CLVS1: variants seen among roughly 807,000 people sequenced by gnomAD.
CLVS1 encodes clavesin-1.
A neutral mutation model predicts 33.1 loss-of-function variants in CLVS1; 10 were observed. The ratio of observed to expected loss-of-function variants is 0.30; its 90% confidence interval spans 0.19 to 0.51. The LOEUF (loss-of-function observed/expected upper bound fraction) is 0.51. CLVS1 is among the 20% of genes least tolerant of loss of function. The pLI is 0.97. For missense variants in CLVS1, 343 were observed against 433.4 expected (o/e 0.79, Z 1.85); for synonymous variants, 163 against 166.1 (o/e 0.98, Z 0.14).
chr8:61,219,863 TC>T (rs1327560804), intron 2 of CLVS1, among the ~76,000 whole-genome samples: 2 of 152,214 alleles, frequency 1.3e-5, no homozygotes, highest in Non-Finnish European at 2.9e-5. Context: ...AGATGGTATC[TC>T]ATTGTGGTTT....
chr8:61,387,424 T>C (rs1329294250), intron 3 of CLVS1, among the ~76,000 whole-genome samples: 1 of 149,958 alleles, frequency 6.7e-6, no homozygotes, highest in Middle Eastern at 3.2e-3. Flanking sequence ...CAAGAATTGT[T>C]AGCCCTTTAT....
chr8:61,117,953 G>C (rs1393874863), intron 1 of CLVS1, among the ~76,000 whole-genome samples: 1 of 152,204 alleles, frequency 6.6e-6, no homozygotes, highest in Non-Finnish European at 1.5e-5. Context: ...AATGGTACCA[G>C]TTCCTCCTTG....
chr8:61,061,868 C>T (rs995117481), intron 1 of CLVS1, among the ~76,000 whole-genome samples: 15 of 151,962 alleles, frequency 9.9e-5, no homozygotes, highest in African/African-American at 3.4e-4. Context: ...TAGCTCCATT[C>T]AGGGCTCCAG....
At chr8:61,156,752 T>C (rs1425418155) in intron 2 of CLVS1, among the ~76,000 whole-genome samples, 1 of 152,212 alleles carries the variant, frequency 6.6e-6, no homozygotes, top group Non-Finnish European at 1.5e-5. Context: ...AACTTACCTG[T>C]GATAAAAATC....
At chr8:61,479,482 G>C (rs139209673) in intron 5 of CLVS1, among the ~76,000 whole-genome samples, 155 of 152,124 alleles carry the variant, frequency 1.0e-3, no homozygotes, top group African/African-American at 3.6e-3. Context: ...TTAGCCATTC[G>C]TCTAATTTTT....
intron 4 of CLVS1, among the ~76,000 whole-genome samples, chr8:61,455,166 T>TTA (rs2129607055): frequency 7.3e-6 from 1 of 136,912 alleles, no homozygotes; most frequent in East Asian, 2.1e-4. Flanking sequence ...TATCACCTCC[T>TTA]ATAATTATGA....
At chr8:61,139,804 C>A (rs1333436842) in intron 2 of CLVS1, among the ~76,000 whole-genome samples, 4 of 152,028 alleles carry the variant, frequency 2.6e-5, no homozygotes, top group Non-Finnish European at 5.9e-5. Flanking sequence ...CTCAGTTGAC[C>A]CTCTGCGGCC....
intron 5 of CLVS1, among the ~76,000 whole-genome samples, chr8:61,489,360 G>T (rs1419037609): frequency 6.6e-6 from 1 of 152,168 alleles, no homozygotes; most frequent in Non-Finnish European, 1.5e-5. Flanking sequence ...TAGTGCTTAA[G>T]AATGTGGACT....
chr8:61,052,457 G>A (rs1477159384), upstream of CLVS1, among the ~76,000 whole-genome samples: 1 of 152,050 alleles, frequency 6.6e-6, no homozygotes. Context: ...GGGCCTCACT[G>A]AAAGGGAAAT....
chr8:61,311,524 G>A (rs1175537968), intron 2 of CLVS1, among the ~76,000 whole-genome samples: 3 of 152,198 alleles, frequency 2.0e-5, no homozygotes, highest in Non-Finnish European at 4.4e-5. Context: ...TAACACAACA[G>A]TGTACATCCC....
chr8:60,971,033 T>C, the CLVS1 span, among the ~76,000 whole-genome samples: 1 of 131,614 alleles, frequency 7.6e-6, no homozygotes, highest in East Asian at 2.2e-4. Flanking sequence ...TGTCTAACAA[T>C]CTAGCAACTT....
chr8:61,021,399 G>C, the CLVS1 span, among the ~76,000 whole-genome samples: 1 of 152,200 alleles, frequency 6.6e-6, no homozygotes, highest in Non-Finnish European at 1.5e-5. Context: ...CGCCCAGGCT[G>C]GAGTGCAATG....
At chr8:61,495,783 A>AAAATCAAG (rs1475657410) in intron 5 of CLVS1, among the ~76,000 whole-genome samples, 2 of 152,220 alleles carry the variant, frequency 1.3e-5, no homozygotes, top group African/African-American at 2.4e-5. Flanking sequence ...AAACAAACCA[A>AAAATCAAG]AAATCAAGAA....
At chr8:61,034,970 C>G in the CLVS1 span, among the ~76,000 whole-genome samples, 1 of 152,096 alleles carries the variant, frequency 6.6e-6, no homozygotes, top group Non-Finnish European at 1.5e-5. Flanking sequence ...TAAGTTTAAT[C>G]AATACTTCAT....
chr8:61,437,414 T>C (rs1306648124), intron 3 of CLVS1, among the ~76,000 whole-genome samples: 1 of 152,212 alleles, frequency 6.6e-6, no homozygotes, highest in Non-Finnish European at 1.5e-5. Context: ...CTTAAAAGAA[T>C]CCTCCGTACT....
chr8:61,378,165 C>T (rs1237762728), intron 3 of CLVS1: 2 of 152,184 alleles, frequency 1.3e-5, no homozygotes, highest in Non-Finnish European at 2.9e-5. Context: ...AATTTCTGTA[C>T]AAGCTGCATG....
chr8:61,486,832 A>T (rs980969755), intron 5 of CLVS1, among the ~76,000 whole-genome samples: 4 of 152,086 alleles, frequency 2.6e-5, no homozygotes, highest in African/African-American at 9.7e-5. Flanking sequence ...CTATGTGTTC[A>T]TTGTCTCTAT....
chr8:60,990,057 G>A, the CLVS1 span, among the ~76,000 whole-genome samples: 84 of 149,882 alleles, frequency 5.6e-4, no homozygotes, highest in Non-Finnish European at 1.1e-3. Flanking sequence ...CCCAGGAGGT[G>A]GAGGTTGCAG....
At chr8:61,492,523 TG>T (rs1258112367) in intron 5 of CLVS1, among the ~76,000 whole-genome samples, 2 of 152,026 alleles carry the variant, frequency 1.3e-5, no homozygotes, top group Non-Finnish European at 2.9e-5. Context: ...CATGTTTTTT[TG>T]GGGGGGTCTT....
Sources: allele counts gnomAD v4.1 joint callset (sites outside exome capture counted in the v4.1 genomes callset), GRCh38; gene constraint gnomAD v4.1.1; transcripts MANE v1.5; gene names NCBI Gene and HGNC (gene_info 2026-07-23, HGNC 2026-07-21).